Variants in UBQLN1 observed in about 807,000 individuals in gnomAD.
UBQLN1 encodes ubiquilin-1.
Under a neutral mutation model 65.4 loss-of-function variants are expected in UBQLN1, and 13 were observed. That is an observed-to-expected ratio of 0.20 (90% CI 0.13 to 0.32). UBQLN1 has a LOEUF of 0.32. Among genes scored for constraint, UBQLN1 ranks in the 10% least tolerant of loss-of-function variants. The pLI is 1.00. For missense variants in UBQLN1, 561 were observed against 724.0 expected (o/e 0.77, Z 2.58); for synonymous variants, 267 against 247.8 (o/e 1.08, Z -0.73).
chr9:83,700,476 C>A (rs559394089), intron 1 of UBQLN1, among the ~76,000 whole-genome samples: 39 of 152,168 alleles, frequency 2.6e-4, no homozygotes, highest in Non-Finnish European at 5.0e-4. Flanking sequence ...CAATGGTGAA[C>A]AATCACAGCC....
At chr9:83,667,508 T>C in intron 7 of UBQLN1, 2 of 985,414 alleles carry the variant, frequency 2.0e-6, no homozygotes, top group South Asian at 9.4e-5. Flanking sequence ...TCAGACAACC[T>C]TTCAGGAACA....
At chr9:83,662,019 G>A in intron 10 of UBQLN1, 80 bp from the exon 11 acceptor site, 3 of 1,351,964 alleles carry the variant, frequency 2.2e-6, no homozygotes, top group Non-Finnish European at 3.0e-6. Flanking sequence ...TTTTTTAATT[G>A]CTTTTTTATA....
At position 83,680,006 on chromosome 9, in the gene UBQLN1, G is replaced by A; in HGVS notation, c.480C>T (p.Ser160=). The A allele has an allele frequency of 6.2e-7, 1 of 1,614,030 alleles. No homozygotes were observed. Among genetic ancestry groups the A allele is most frequent in the Non-Finnish European group, 8.5e-7 (1 of 1,179,938 alleles). ...AGAAGTTGGTAGTATTCAAACCCAA[G>A]CTACTCAGACCTGCAAGTCCCCCAA... ...GGLGGLAGLS[S]LGLNTTNFSE... Residue 160 remains serine, a synonymous_variant, in exon 4 of 11, where the codon AGC becomes AGT. Transcript: ENST00000376395.
intron 10 of UBQLN1, among the ~76,000 whole-genome samples, chr9:83,663,650 T>TGGA (rs1831597906): frequency 6.6e-6 from 1 of 152,220 alleles, no homozygotes; most frequent in Non-Finnish European, 1.5e-5. Flanking sequence ...TTGTAGCATG[T>TGGA]CTTCTCTACA....
chr9:83,677,612 T>TAAAA lies in UBQLN1; in HGVS notation c.1105+111_1105+114dup, dbSNP rs1187004505. On this transcript the variant is annotated intron_variant, in intron 6 of 10. Transcript: ENST00000376395. ...AAAGCAACATGAAAAATATAGTTTA[T>TAAAA]AAAAGATACTCACTATACATACACA... 8.1e-6 allele frequency: 6 copies of TAAAA among 737,616 alleles called. No individual in the cohort carries two copies. The African/African-American group carries it at 8.9e-5, about 11-fold the overall frequency. 45.7% of individuals were successfully genotyped at this position (737,616 alleles called of 1,614,324 possible).
chr9:83,662,004 T>C (rs749662906), intron 10 of UBQLN1, 65 bp from the exon 11 acceptor site: 105 of 1,473,748 alleles, frequency 7.1e-5, no homozygotes, highest in Non-Finnish European at 9.5e-5. Flanking sequence ...ACATGACTTT[T>C]AAAATTTTTT....
chr9:83,673,814 T>C (rs1463057003), intron 6 of UBQLN1, among the ~76,000 whole-genome samples: 1 of 152,150 alleles, frequency 6.6e-6, no homozygotes, highest in Admixed American at 6.5e-5. Flanking sequence ...TTATTTGTTT[T>C]GTTTTGAGAC....
In UBQLN1 at chr9:83,665,118, T is replaced by C. The variant is rs756116588; in HGVS notation, c.1360A>G (p.Met454Val). 7.4e-6 allele frequency: 12 copies of C among 1,613,490 alleles called. No individual in the cohort carries two copies. In the South Asian group the frequency reaches 8.8e-5, roughly 12 times the overall value. The change falls in exon 9 of 11, where the codon ATG becomes GTG. Residue 454 changes from methionine to valine, a missense_variant. By Grantham distance (21) the Met-to-Val change is conservative. Transcript: ENST00000376395. ...GCCTGCATTGCTCTAGGGTTTGACA[T>C]TGCTGATAGTGTATCAGGATTCTGC... ...QMQNPDTLSA[M>V]SNPRAMQALL...
At chr9:83,666,187 G>A (rs910377160) in intron 8 of UBQLN1, among the ~76,000 whole-genome samples, 163 bp downstream of exon 8, 4 of 152,216 alleles carry the variant, frequency 2.6e-5, no homozygotes, top group Non-Finnish European at 1.5e-5. Context: ...GCAGTGAAAT[G>A]GGACTCAGTG....
chr9:83,673,470 G>A (rs1831769011), intron 6 of UBQLN1, among the ~76,000 whole-genome samples: 2 of 145,586 alleles, frequency 1.4e-5, no homozygotes, highest in African/African-American at 5.1e-5. Context: ...TCTAGAACCT[G>A]GGAGGCAGAG....
intron 1 of UBQLN1, among the ~76,000 whole-genome samples, chr9:83,704,512 CTTTAAT>C (rs754961105): frequency 2.4e-4 from 35 of 144,744 alleles, no homozygotes; most frequent in Admixed American, 4.1e-4. Context: ...TTCAGAAAGA[CTTTAAT>C]TTTATCTATT....
intron 1 of UBQLN1, among the ~76,000 whole-genome samples, chr9:83,704,583 T>C (rs537821155): frequency 3.3e-5 from 5 of 151,986 alleles, no homozygotes; most frequent in Non-Finnish European, 7.3e-5. Context: ...TCCTAGCACT[T>C]TGGGAAGCCG....
At chr9:83,675,076 A>G (rs1472923827) in intron 6 of UBQLN1, among the ~76,000 whole-genome samples, 2 of 152,232 alleles carry the variant, frequency 1.3e-5, no homozygotes, top group Non-Finnish European at 2.9e-5. Context: ...AGGAGTATCA[A>G]TGAGGAGCAC....
chr9:83,673,585 G>A (rs1393606861), intron 6 of UBQLN1, among the ~76,000 whole-genome samples: 8 of 134,118 alleles, frequency 6.0e-5, no homozygotes, highest in South Asian at 4.9e-4. Flanking sequence ...AAAAAACTGC[G>A]CTTACGTTTT....
chr9:83,687,792 A>G (rs1564168718), intron 1 of UBQLN1, among the ~76,000 whole-genome samples: 1 of 152,152 alleles, frequency 6.6e-6, no homozygotes, highest in Non-Finnish European at 1.5e-5. Context: ...ATTTTTAAAA[A>G]ATCTGTTTTA....
intron 6 of UBQLN1, among the ~76,000 whole-genome samples, chr9:83,675,380 A>G (rs953532198): frequency 1.3e-5 from 2 of 152,126 alleles, no homozygotes; most frequent in African/African-American, 4.8e-5. Flanking sequence ...AGCAGCATTT[A>G]TGTGTGATCA....
chr9:83,662,793 G>A (rs1224356023), intron 10 of UBQLN1, among the ~76,000 whole-genome samples: 1 of 152,256 alleles, frequency 6.6e-6, no homozygotes. Context: ...CTTGAAAACA[G>A]AAAGCAGGCC....
At chr9:83,674,942 G>A (rs550769304) in intron 6 of UBQLN1, among the ~76,000 whole-genome samples, 2 of 152,242 alleles carry the variant, frequency 1.3e-5, no homozygotes, top group East Asian at 1.9e-4. Context: ...GAATTAAAAC[G>A]ACTTAGTTGG....
chr9:83,666,666 G>T, intron 7 of UBQLN1: 1 of 384,580 alleles, frequency 2.6e-6, no homozygotes, highest in Non-Finnish European at 4.7e-6. Context: ...TTATGATAAT[G>T]ACATGCAATA....
Sources: allele counts gnomAD v4.1 joint callset (sites outside exome capture counted in the v4.1 genomes callset), GRCh38; gene constraint gnomAD v4.1.1; transcripts MANE v1.5; gene names NCBI Gene and HGNC (gene_info 2026-07-23, HGNC 2026-07-21).